SRGAP3: variants seen among roughly 807,000 people sequenced by gnomAD.
The protein encoded by SRGAP3 is SLIT-ROBO Rho GTPase-activating protein 3.
A neutral mutation model predicts 121.1 loss-of-function variants in SRGAP3; 39 were observed. The ratio of observed to expected loss-of-function variants is 0.32; its 90% CI spans 0.25 to 0.42. The LOEUF (loss-of-function observed/expected upper bound fraction) is 0.42, where lower values mean the gene tolerates loss of function less well. Among genes scored for constraint, SRGAP3 ranks in the 10% least tolerant of loss-of-function variants. The pLI is 1.00. For missense variants in SRGAP3, 1,213 were observed against 1,470.6 expected, an observed-to-expected ratio of 0.82 and a Z score of 2.86; for synonymous variants, 601 against 570.0, an observed-to-expected ratio of 1.05 and a Z score of -0.77.
chr3:9,033,756 C>T (rs4684621), intron 11 of SRGAP3: 68,270 of 152,070 alleles, frequency 0.45, 15,477 homozygotes, highest in East Asian at 0.68. Flanking sequence ...ACTTTCAAAT[C>T]CATTATTATA....
At chr3:9,252,960 T>C (rs1954051250), upstream of SRGAP3, among the ~76,000 whole-genome samples, 1 of 152,068 alleles carries the variant, frequency 6.6e-6, no homozygotes, top group South Asian at 2.1e-4. Context: ...TTGGGGCTCA[T>C]CTCCTGAATT....
chr3:9,239,650 T>C lies in SRGAP3; in HGVS notation c.67+9235A>G, dbSNP rs1375382668. On this transcript the variant is annotated intron_variant, in intron 1 of 21. Coordinates refer to ENST00000383836, the MANE Select transcript of SRGAP3 (RefSeq NM_014850.4). This position sits in a 1 kb window ranked among gnomAD's most constrained non-coding sequence, Gnocchi z 4.0. ...ATCACGCACAGATGGGCACACGCAA[T>C]GCATATTGATTAGGGCTGCACTGTT... 6.6e-6 allele frequency among the ~76,000 whole-genome samples: 1 copy of C among 152,162 alleles called. No individual in the cohort carries two copies. The highest frequency in any genetic ancestry group is 2.4e-5 in the African/African-American group (1 of 41,430).
At chr3:9,209,102 G>A (rs1406649596) in intron 1 of SRGAP3, among the ~76,000 whole-genome samples, 2 of 152,252 alleles carry the variant, frequency 1.3e-5, no homozygotes, top group East Asian at 3.9e-4. Flanking sequence ...CATTCCTCAG[G>A]TTTCTCCCCA....
intron 1 of SRGAP3, among the ~76,000 whole-genome samples, chr3:9,163,173 G>A (rs1950656167): frequency 1.3e-5 from 2 of 152,170 alleles, no homozygotes; most frequent in Admixed American, 1.3e-4. Context: ...TGTCCAGGCT[G>A]CCCTGGCTGA....
intron 1 of SRGAP3, among the ~76,000 whole-genome samples, chr3:9,238,459 G>C (rs1419088046): frequency 6.6e-6 from 1 of 152,130 alleles, no homozygotes; most frequent in Admixed American, 6.5e-5. Context: ...CAGAATGTCT[G>C]ATGACAAAGC....
chr3:9,248,262 A>G (rs1953897068), intron 1 of SRGAP3, among the ~76,000 whole-genome samples: 1 of 152,228 alleles, frequency 6.6e-6, no homozygotes, highest in South Asian at 2.1e-4. Context: ...CATTTTCTGC[A>G]CCAAGCTCCC....
chr3:9,066,607 C>A (rs1946445241), intron 4 of SRGAP3, among the ~76,000 whole-genome samples: 1 of 152,194 alleles, frequency 6.6e-6, no homozygotes, highest in Non-Finnish European at 1.5e-5. Flanking sequence ...TCAAGTGATT[C>A]TCCTGCCTCA....
At chr3:9,271,105 G>A (rs1033128404) in intron 3 of SRGAP3, among the ~76,000 whole-genome samples, 4 of 152,162 alleles carry the variant, frequency 2.6e-5, no homozygotes, top group Admixed American at 6.5e-5. Context: ...AGGCCAAGGC[G>A]GGCAGATCAC....
chr3:9,280,974 G>A (rs1420611940), intron 3 of SRGAP3, among the ~76,000 whole-genome samples: 1 of 152,094 alleles, frequency 6.6e-6, no homozygotes, highest in Non-Finnish European at 1.5e-5. Flanking sequence ...AATTGTTGGG[G>A]GTGGTGGGAG....
intron 2 of SRGAP3, among the ~76,000 whole-genome samples, chr3:9,117,511 C>T (rs934247215): frequency 2.0e-5 from 3 of 152,268 alleles, no homozygotes; most frequent in Non-Finnish European, 4.4e-5. Flanking sequence ...CCCAGCACTT[C>T]CCAAATTCTG....
At chr3:9,241,892 C>T (rs897297804) in intron 1 of SRGAP3, among the ~76,000 whole-genome samples, 1 of 151,836 alleles carries the variant, frequency 6.6e-6, no homozygotes, top group Admixed American at 6.6e-5. Flanking sequence ...GCCTGGGTAA[C>T]ATGGTGAGAC....
intron 1 of SRGAP3, among the ~76,000 whole-genome samples, chr3:9,162,800 A>G (rs1193891547): frequency 6.6e-6 from 1 of 152,234 alleles, no homozygotes; most frequent in Non-Finnish European, 1.5e-5. Context: ...TGGAAACAAC[A>G]ATGGGAGTAC....
chr3:9,149,569 A>G (rs953355362), intron 1 of SRGAP3, among the ~76,000 whole-genome samples: 3 of 152,304 alleles, frequency 2.0e-5, no homozygotes, highest in South Asian at 4.1e-4. Context: ...TCGGGCTCCA[A>G]GATGCCTTGA....
chr3:9,298,611 A>G (rs968948451), intron 3 of SRGAP3, among the ~76,000 whole-genome samples: 6 of 152,230 alleles, frequency 3.9e-5, no homozygotes, highest in Non-Finnish European at 7.3e-5. Flanking sequence ...TACAATGCAG[A>G]GGAAATGATG....
intron 1 of SRGAP3, among the ~76,000 whole-genome samples, chr3:9,356,358 A>ATTTTTTT (rs869098475): frequency 2.5e-5 from 1 of 39,606 alleles, no homozygotes; most frequent in Non-Finnish European, 3.8e-5. Flanking sequence ...TGGCCAGCTA[A>ATTTTTTT]TTTTTTTTTT....
At chr3:9,334,805 A>C (rs1008834988) in intron 1 of SRGAP3, among the ~76,000 whole-genome samples, 1 of 152,216 alleles carries the variant, frequency 6.6e-6, no homozygotes, top group Non-Finnish European at 1.5e-5. Flanking sequence ...CTCTGCTACT[A>C]CGTGGCTCTA....
At chr3:9,016,334 T>C (rs796487595) in intron 14 of SRGAP3, among the ~76,000 whole-genome samples, 1 of 152,196 alleles carries the variant, frequency 6.6e-6, no homozygotes, top group African/African-American at 2.4e-5. Flanking sequence ...TATTTTTGTT[T>C]GCTAGTTTGT....
At chr3:9,002,577 A>G (rs562050987) in intron 18 of SRGAP3, among the ~76,000 whole-genome samples, 1 of 152,306 alleles carries the variant, frequency 6.6e-6, no homozygotes, top group African/African-American at 2.4e-5. Flanking sequence ...AGAAGGAAGG[A>G]AATAATAAAG....
chr3:9,308,347 A>T (rs1285636716), intron 3 of SRGAP3, among the ~76,000 whole-genome samples: 1 of 152,252 alleles, frequency 6.6e-6, no homozygotes, highest in Non-Finnish European at 1.5e-5. Context: ...ACATTTATAA[A>T]GCCAAGAAAA....
Sources: gnomAD v4.1 joint callset for allele counts (sites outside exome capture counted in the v4.1 genomes callset) on GRCh38, gnomAD v4.1.1 for gene constraint, Gnocchi (gnomAD v3.1) non-coding constraint, MANE v1.5 for transcripts, NCBI Gene and HGNC (gene_info 2026-07-23, HGNC 2026-07-21) for gene names.